FAM161A: variants seen among roughly 807,000 people sequenced by gnomAD.
FAM161A encodes protein FAM161A.
Under a neutral mutation model 70.9 loss-of-function variants are expected in FAM161A, and 57 were observed. The ratio of observed to expected loss-of-function variants is 0.80; its 90% confidence interval spans 0.65 to 1.00. The LOEUF is 1.00. Ranked by LOEUF, FAM161A falls within the 50% of genes least tolerant of loss-of-function variation. The pLI, the probability that FAM161A is intolerant of heterozygous loss-of-function variation, is 0.00. For missense variants in FAM161A, 880 were observed against 836.0 expected (o/e 1.05, Z -0.65); for synonymous variants, 299 against 295.7 (o/e 1.01, Z -0.12).
chr2:61,827,396 G>A, intron 5 of FAM161A, 138 bp from the exon 6 acceptor site: 1 of 756,034 alleles, frequency 1.3e-6, no homozygotes. Flanking sequence ...GGATCACGAG[G>A]TCAGGAGATC....
At position 61,853,889 on chromosome 2, in the gene FAM161A, C is replaced by G. The variant is rs1388523304; in HGVS notation, c.153G>C (p.Glu51Asp). 1 of 1,613,770 alleles carries G rather than the reference C, an allele frequency of 6.2e-7. No individual in the cohort carries two copies. The highest frequency in any genetic ancestry group is 2.2e-5 in the East Asian group (1 of 44,886). Residue 51 changes from glutamate to aspartate, a missense_variant, in exon 1 of 7, where the codon GAG becomes GAC. Glu to Asp is a conservative substitution (Grantham distance 45). Transcript: ENST00000404929. Reference protein sequence around the residue: ...AAEAILEDEEEEKVAQPAGAS... With the variant: ...AAEAILEDEEDEKVAQPAGAS... ...CCCCAGCGGGCTGAGCCACTTTCTC[C>G]TCCTCTTCGTCCTCCAAGATCGCCT...
In FAM161A at chr2:61,839,903, T is replaced by G. The variant is rs2105081721; in HGVS notation, c.1101A>C (p.Ser367=). The change falls in exon 3 of 7, where the codon TCA becomes TCC. Residue 367 remains serine (S), a synonymous_variant. Coordinates refer to ENST00000404929, the MANE Select transcript of FAM161A (RefSeq NM_001201543.2). ...ARPIPRSTYG[S]TTNDKLKEEE... Reference sequence around the variant, plus strand: ...CTTCTTTTAACTTGTCATTGGTAGTTGAACCATAAGTAGATCGAGGAATGG... The same window carrying G: ...CTTCTTTTAACTTGTCATTGGTAGTGGAACCATAAGTAGATCGAGGAATGG... 1 of 1,614,234 alleles carries G rather than the reference T, an allele frequency of 6.2e-7. No individual in the cohort carries two copies. Among genetic ancestry groups the G allele is most frequent in the South Asian group, 1.1e-5 (1 of 91,090 alleles).
At chr2:61,820,260 G>T, downstream of FAM161A, 1 of 658,998 alleles carries the variant, frequency 1.5e-6, no homozygotes. Flanking sequence ...CTGGAGGATC[G>T]AGCTTTGAAA....
chr2:61,812,011 C>A, the FAM161A span, among the ~76,000 whole-genome samples: 3 of 152,108 alleles, frequency 2.0e-5, no homozygotes, highest in African/African-American at 7.2e-5. Context: ...AAACCCCAGG[C>A]CCAGGGTACG....
At chr2:61,823,362 C>CATATATAAATATATATATATATATAT (rs1672249456), downstream of FAM161A, among the ~76,000 whole-genome samples, 1 of 119,990 alleles carries the variant, frequency 8.3e-6, no homozygotes, top group African/African-American at 3.2e-5. Flanking sequence ...AATTTTCCAT[C>CATATATAAATATATATATATATATAT]ATATATATAT....
Position 61,853,911 on chromosome 2 carries a change from G to A in FAM161A, c.131C>T (p.Ala44Val). 6.2e-7 allele frequency: 1 copy of A among 1,613,956 alleles called. No individual in the cohort carries two copies. The highest frequency in any genetic ancestry group is 1.3e-5 in the African/African-American group (1 of 75,044). ...CTCCTCCTCTTCGTCCTCCAAGATC[G>A]CCTCCGCTGCCGCCAGGGCCTTTAA... The part of the protein sequence containing the change: ...DPLKALAAAE[A>V]ILEDEEEEKV... The change falls in exon 1 of 7, where the codon GCG becomes GTG. Residue 44 changes from alanine to valine, a missense_variant. Ala to Val is a moderately conservative substitution (Grantham distance 64). Transcript: ENST00000404929.
At chr2:61,827,354 T>A in intron 5 of FAM161A, 96 bp from the exon 6 acceptor site, 1 of 1,218,212 alleles carries the variant, frequency 8.2e-7, no homozygotes, top group South Asian at 1.2e-5. Context: ...CTCACGCCTG[T>A]AATCCCAGTG....
chr2:61,842,071 A>C, intron 2 of FAM161A, 51 bp downstream of exon 2: 1 of 1,147,308 alleles, frequency 8.7e-7, no homozygotes, highest in Non-Finnish European at 1.3e-6. Context: ...TGTCCTTTTA[A>C]GGATACATTT....
chr2:61,833,239 A>G (rs1006567905), intron 5 of FAM161A, among the ~76,000 whole-genome samples: 2 of 152,092 alleles, frequency 1.3e-5, no homozygotes, highest in African/African-American at 2.4e-5. Context: ...CCTGACCAAC[A>G]TGGTGAAACC....
intron 2 of FAM161A, among the ~76,000 whole-genome samples, chr2:61,841,131 A>G (rs1339419051): frequency 6.6e-6 from 1 of 152,200 alleles, no homozygotes; most frequent in Non-Finnish European, 1.5e-5. Context: ...TCTAACCTCT[A>G]TTAAATTCTC....
chr2:61,804,108 C>A, the FAM161A span, among the ~76,000 whole-genome samples: 1 of 152,270 alleles, frequency 6.6e-6, no homozygotes, highest in East Asian at 1.9e-4. Context: ...CATGCCTCCC[C>A]ATTTTAGACC....
chr2:61,843,142 G>GT (rs1673082354), intron 1 of FAM161A, among the ~76,000 whole-genome samples: 1 of 59,866 alleles, frequency 1.7e-5, no homozygotes, highest in Non-Finnish European at 3.3e-5. Flanking sequence ...CAGTTTTTTT[G>GT]TTTGTTTGTT....
intron 5 of FAM161A, among the ~76,000 whole-genome samples, chr2:61,831,123 A>C (rs1672560653): frequency 6.6e-6 from 1 of 151,948 alleles, no homozygotes; most frequent in African/African-American, 2.4e-5. Context: ...AAAAAAAAAA[A>C]AAAAAAAGAT....
At chr2:61,803,165 C>T in the FAM161A span, 1 of 495,772 alleles carries the variant, frequency 2.0e-6, no homozygotes, top group Non-Finnish European at 3.8e-6. Flanking sequence ...GTCCTTCATC[C>T]CGGGAAGGCA....
the FAM161A span, among the ~76,000 whole-genome samples, chr2:61,818,661 A>G: frequency 6.6e-6 from 1 of 152,234 alleles, no homozygotes; most frequent in Admixed American, 6.5e-5. Context: ...TACCTCACAT[A>G]AAAGAGACTG....
intron 5 of FAM161A, among the ~76,000 whole-genome samples, chr2:61,834,161 C>T (rs942881401): frequency 6.6e-6 from 1 of 152,160 alleles, no homozygotes; most frequent in Admixed American, 6.5e-5. Context: ...CCATGGAATA[C>T]TACACAGCCA....
At chr2:61,840,626 C>T (rs754199181) in intron 2 of FAM161A, 45 bp from the exon 3 acceptor site, 2 of 1,366,610 alleles carry the variant, frequency 1.5e-6, no homozygotes, top group Non-Finnish European at 2.1e-6. Flanking sequence ...TTGTATGTGA[C>T]CAAATATAAA....
At chr2:61,809,686 T>C in the FAM161A span, among the ~76,000 whole-genome samples, 1 of 152,228 alleles carries the variant, frequency 6.6e-6, no homozygotes, top group Non-Finnish European at 1.5e-5. Context: ...CTTTGCAATG[T>C]GACTTTGACT....
chr2:61,807,503 G>T, the FAM161A span, among the ~76,000 whole-genome samples: 6 of 151,586 alleles, frequency 4.0e-5, no homozygotes, highest in Non-Finnish European at 8.8e-5. Context: ...TTTCTTGCCT[G>T]TATCTTACAT....
Sources: allele counts gnomAD v4.1 joint callset (sites outside exome capture counted in the v4.1 genomes callset), GRCh38; gene constraint gnomAD v4.1.1; transcripts MANE v1.5; gene names NCBI Gene and HGNC (gene_info 2026-07-23, HGNC 2026-07-21).